The following CCDC88A variants were observed in gnomAD, a reference collection of about 807,000 sequenced individuals.
CCDC88A encodes the protein coiled-coil and HOOK domain protein 88A.
CCDC88A carries 54 observed loss-of-function variants against 234.3 expected under a neutral mutation model. The ratio of observed to expected loss-of-function variants is 0.23; its 90% CI spans 0.19 to 0.29. CCDC88A has a LOEUF of 0.29. CCDC88A is among the 10% of genes least tolerant of loss of function. The probability of loss-of-function intolerance (pLI) is 1.00; values close to 1 mark genes in which losing one functional copy is unlikely to be tolerated. For synonymous variants in CCDC88A, 753 were observed against 737.8 expected (o/e 1.02, Z -0.33); for missense variants, 1,832 against 2,123.4 (o/e 0.86, Z 2.70).
intron 2 of CCDC88A, among the ~76,000 whole-genome samples, chr2:55,392,473 T>C (rs995055619): frequency 3.3e-5 from 5 of 152,208 alleles, no homozygotes; most frequent in Non-Finnish European, 7.3e-5. Flanking sequence ...GCATGGTGTA[T>C]CTCTCTACAT....
In CCDC88A at chr2:55,334,379, T is replaced by C. The variant is rs1685250846; in HGVS notation, c.2442A>G (p.Glu814=). 2 of 1,568,232 alleles carry C rather than the reference T, an allele frequency of 1.3e-6. No individual in the cohort carries two copies. The highest frequency in any genetic ancestry group is 2.1e-5 in the Admixed American group (1 of 47,276). The stretch of plus-strand genomic sequence containing the variant: ...CTTGCTCTAATGATTTATTTTCTTT[T>C]TCCAGCTGTTCTAGTCTTTTGCTAG... ...KISSKRLEQL[E]KENKSLEQET... The change falls in exon 15 of 33, where the codon GAA becomes GAG. Residue 814 remains glutamate, a synonymous_variant. Coordinates refer to ENST00000436346, the MANE Select transcript of CCDC88A (RefSeq NM_001365480.1). This position sits in a 1 kb window ranked among gnomAD's most constrained non-coding sequence, Gnocchi z 6.1.
At chr2:55,321,745 T>A in intron 18 of CCDC88A, among the ~76,000 whole-genome samples, 1 of 152,124 alleles carries the variant, frequency 6.6e-6, no homozygotes, top group East Asian at 1.9e-4. Flanking sequence ...ATCCCACAGG[T>A]ATAAATTTGT....
At chr2:55,379,202 C>A (rs1674190344) in intron 3 of CCDC88A, among the ~76,000 whole-genome samples, 1 of 152,106 alleles carries the variant, frequency 6.6e-6, no homozygotes, top group South Asian at 2.1e-4. Context: ...TCCCCAGACT[C>A]AACTTAGCTC....
intron 17 of CCDC88A, chr2:55,324,432 T>G (rs1684012311): frequency 6.6e-6 from 1 of 152,212 alleles, no homozygotes; most frequent in Non-Finnish European, 1.5e-5. Flanking sequence ...ATACTAAAAT[T>G]TCACACAAAT....
intron 17 of CCDC88A, among the ~76,000 whole-genome samples, chr2:55,327,157 T>C (rs1485403375): frequency 5.9e-5 from 9 of 152,144 alleles, no homozygotes; most frequent in African/African-American, 2.2e-4. Flanking sequence ...TCTGTAACAA[T>C]GTATGTTCGA....
intron 3 of CCDC88A, among the ~76,000 whole-genome samples, chr2:55,387,984 C>T (rs975804824): frequency 2.0e-4 from 31 of 152,078 alleles, no homozygotes; most frequent in African/African-American, 7.5e-4. Flanking sequence ...AATAACTAAT[C>T]ACTCAAAAGA....
At chr2:55,369,668 A>C (rs1044114045) in intron 5 of CCDC88A, among the ~76,000 whole-genome samples, 1 of 151,808 alleles carries the variant, frequency 6.6e-6, no homozygotes, top group Non-Finnish European at 1.5e-5. Context: ...ATGTAGCCAG[A>C]CTGGTCTTGA....
At chr2:55,409,216 T>C (rs569090498) in intron 2 of CCDC88A, among the ~76,000 whole-genome samples, 55 of 152,316 alleles carry the variant, frequency 3.6e-4, no homozygotes, top group African/African-American at 1.3e-3. Flanking sequence ...TTCTCAAACT[T>C]CCTAATTCCT....
chr2:55,296,211 A>C, intron 30 of CCDC88A, 47 bp downstream of exon 30: 6 of 1,526,430 alleles, frequency 3.9e-6, no homozygotes, highest in Non-Finnish European at 5.3e-6. Context: ...ACAGAAATTT[A>C]ACTTGTGGTG....
In CCDC88A at chr2:55,317,181, G is replaced by T; in HGVS notation, c.3746+25C>A. 2 of 1,046,652 alleles carry T rather than the reference G, an allele frequency of 1.9e-6. No individual in the cohort carries two copies. The highest frequency in any genetic ancestry group is 2.6e-6 in the Non-Finnish European group (2 of 773,234). The allele number at this position is 1,046,652 out of a possible 1,614,324, so 64.8% of individuals were successfully genotyped here. A position where few individuals can be genotyped will look rare whatever the true frequency, so the allele number is the denominator to read the frequency against. Reference sequence around the variant, plus strand: ...TATATACTTTCTATATAAAATGTTTGTTATATATAATATATATTTATTACC... The same window carrying T: ...TATATACTTTCTATATAAAATGTTTTTTATATATAATATATATTTATTACC... On this transcript the variant is annotated intron_variant, in intron 21 of 32. Transcript: ENST00000436346. This position sits in a 1 kb window ranked among gnomAD's most constrained non-coding sequence, Gnocchi z 4.2.
At chr2:55,297,221 C>G (rs1196474054) in intron 29 of CCDC88A, 1 of 132,298 alleles carries the variant, frequency 7.6e-6, no homozygotes, top group African/African-American at 2.9e-5. Flanking sequence ...AGGATAAGAA[C>G]ATGATTAGAC....
intron 3 of CCDC88A, among the ~76,000 whole-genome samples, chr2:55,377,802 T>G (rs1322456310): frequency 7.1e-6 from 1 of 140,418 alleles, no homozygotes; most frequent in Non-Finnish European, 1.6e-5. Flanking sequence ...TAGACAGGGT[T>G]TCACCATGTT....
intron 3 of CCDC88A, 134 bp from the exon 4 acceptor site, chr2:55,375,017 T>A (rs181206025): frequency 9.6e-5 from 51 of 533,192 alleles, no homozygotes; most frequent in Admixed American, 2.9e-4. Flanking sequence ...GAAAAAGTTA[T>A]ATAAGGTCTT....
At position 55,335,798 on chromosome 2, in the gene CCDC88A, C is replaced by A. The variant is rs561653057; in HGVS notation, c.1657-634G>T. ...AAGCTTGGAAAAATGAAGATTGAAG[C>A]TTAGTCTAGAATTTTGGTTCTGTAT... On this transcript the variant is annotated intron_variant, in intron 14 of 32. Coordinates refer to ENST00000436346, the MANE Select transcript of CCDC88A (RefSeq NM_001365480.1). The surrounding 1 kb of genome is among the most constrained non-coding windows in gnomAD (Gnocchi z 4.5). 7.9e-5 allele frequency among the ~76,000 whole-genome samples: 12 copies of A among 152,158 alleles called. No homozygotes were observed. Among genetic ancestry groups the A allele is most frequent in the African/African-American group, 2.6e-4 (11 of 41,514 alleles).
intron 3 of CCDC88A, among the ~76,000 whole-genome samples, chr2:55,385,751 C>A (rs1302226123): frequency 7.2e-6 from 1 of 138,924 alleles, no homozygotes; most frequent in Non-Finnish European, 1.5e-5. Context: ...TACTCAGGGG[C>A]CTGAGGCAGG....
At chr2:55,367,525 C>CTTTTTTTTTTTTTTTTTTTTTT (rs1262914627) in intron 5 of CCDC88A, among the ~76,000 whole-genome samples, 7 of 33,606 alleles carry the variant, frequency 2.1e-4, no homozygotes, top group South Asian at 1.6e-3. Flanking sequence ...GTTTTATTTC[C>CTTTTTTTTTTTTTTTTTTTTTT]TTGTTTTTTT....
At chr2:55,359,559 G>A (rs558143585) in intron 7 of CCDC88A, among the ~76,000 whole-genome samples, 5 of 150,822 alleles carry the variant, frequency 3.3e-5, no homozygotes, top group African/African-American at 1.2e-4. Flanking sequence ...AAAGCATAAC[G>A]AATTTCGTAT....
intron 9 of CCDC88A, chr2:55,348,606 T>C (rs1465644613): frequency 6.6e-6 from 1 of 152,202 alleles, no homozygotes; most frequent in Non-Finnish European, 1.5e-5. Flanking sequence ...TAGTTTTAGT[T>C]TCTAATATGG....
intron 29 of CCDC88A, among the ~76,000 whole-genome samples, chr2:55,297,335 T>G (rs1457649194): frequency 3.9e-5 from 2 of 50,646 alleles, no homozygotes; most frequent in Non-Finnish European, 7.9e-5. Context: ...ATATAATATA[T>G]AAATTTATAT....
Sources: allele counts gnomAD v4.1 joint callset (sites outside exome capture counted in the v4.1 genomes callset), GRCh38; gene constraint gnomAD v4.1.1; non-coding constraint Gnocchi (gnomAD v3.1); transcripts MANE v1.5; gene names NCBI Gene and HGNC (gene_info 2026-07-23, HGNC 2026-07-21).